GOLIM4: variants seen among roughly 807,000 people sequenced by gnomAD.
GOLIM4 encodes golgi integral membrane protein 4.
Under a neutral mutation model 107.4 loss-of-function variants are expected in GOLIM4, and 71 were observed. That is an observed-to-expected ratio of 0.66 (90% CI 0.55 to 0.81). The LOEUF (loss-of-function observed/expected upper bound fraction) is 0.81. Ranked by LOEUF, GOLIM4 falls within the 30% of genes least tolerant of loss-of-function variation. GOLIM4 has a pLI of 0.00. For synonymous variants in GOLIM4, 327 were observed against 294.8 expected, an observed-to-expected ratio of 1.11 and a Z score of -1.12; for missense variants, 830 against 826.1, an observed-to-expected ratio of 1.00 and a Z score of -0.06.
intron 14 of GOLIM4, 123 bp downstream of exon 14, chr3:168,024,403 T>C (rs942028276): frequency 2.5e-6 from 2 of 786,288 alleles, no homozygotes; most frequent in African/African-American, 3.4e-5. Flanking sequence ...TTTCTTATCC[T>C]GCTTAAATTT....
chr3:168,062,013 T>A (rs73878626), intron 1 of GOLIM4, among the ~76,000 whole-genome samples: 1,678 of 152,328 alleles, frequency 0.011, 30 homozygotes, highest in African/African-American at 0.039. Flanking sequence ...ACAGACTGTA[T>A]GAAAGAGCTA....
intron 11 of GOLIM4, 48 bp from the exon 12 acceptor site, chr3:168,027,885 A>G (rs756793507): frequency 8.2e-7 from 1 of 1,223,568 alleles, no homozygotes; most frequent in Non-Finnish European, 1.2e-6. Context: ...ATCAAACAGG[A>G]TTTCCCTTTC....
chr3:168,028,600 A>G (rs1718139052), intron 11 of GOLIM4, among the ~76,000 whole-genome samples: 1 of 152,222 alleles, frequency 6.6e-6, no homozygotes, highest in African/African-American at 2.4e-5. Flanking sequence ...AGTCTTACTG[A>G]TATGAGAACA....
chr3:168,048,626 C>T (rs573644550), intron 1 of GOLIM4, among the ~76,000 whole-genome samples: 1 of 152,240 alleles, frequency 6.6e-6, no homozygotes, highest in Non-Finnish European at 1.5e-5. Context: ...GCTCCATTTC[C>T]TTCTAGGCCT....
At chr3:168,090,662 A>G (rs1721861106) in intron 1 of GOLIM4, among the ~76,000 whole-genome samples, 1 of 152,226 alleles carries the variant, frequency 6.6e-6, no homozygotes, top group Non-Finnish European at 1.5e-5. Context: ...AGCAATCCCA[A>G]TACTAGGTAT....
intron 3 of GOLIM4, among the ~76,000 whole-genome samples, chr3:168,046,194 A>C (rs1719293747): frequency 6.6e-6 from 1 of 152,196 alleles, no homozygotes; most frequent in Non-Finnish European, 1.5e-5. Context: ...TTAATACCCC[A>C]AAATATCAAT....
intron 4 of GOLIM4, 64 bp from the exon 5 acceptor site, chr3:168,043,593 G>T: frequency 7.7e-7 from 1 of 1,303,800 alleles, no homozygotes; most frequent in South Asian, 1.4e-5. Context: ...TCTATTTCTT[G>T]ACAGCACAGT....
chr3:168,030,192 A>G lies in GOLIM4; in HGVS notation c.1177-156T>C, dbSNP rs185837661. ...TTATACATGAAGTCCAAAAACTCCT[A>G]TTTCCCAACTTTCTCTGAATCACCC... On this transcript the variant is annotated intron_variant, in intron 9 of 15. Coordinates refer to ENST00000470487, the MANE Select transcript of GOLIM4 (RefSeq NM_014498.5). 1.3e-3 allele frequency among the ~76,000 whole-genome samples: 203 copies of G among 152,248 alleles called. 1 individual carries two copies. Among genetic ancestry groups the G allele is most frequent in the African/African-American group, 4.7e-3 (196 of 41,540 alleles).
At chr3:168,026,503 A>G (rs966480032) in intron 12 of GOLIM4, among the ~76,000 whole-genome samples, 1 of 152,212 alleles carries the variant, frequency 6.6e-6, no homozygotes, top group Admixed American at 6.5e-5. Flanking sequence ...TACAAAGGCC[A>G]ATGTTTCCCA....
rs77026270 is a variant in GOLIM4, at chr3:168,039,939, C to T, written c.684+847G>A. ...AATCTCACAAACACAGATGCTACAG[C>T]CTCTGAGATGGGTCAGGGACAGAAA... On this transcript the variant is annotated intron_variant, in intron 7 of 15. Transcript: ENST00000470487. Among the ~76,000 whole-genome samples, 7 of 152,238 alleles carry T rather than the reference C, an allele frequency of 4.6e-5. No homozygotes were observed. The South Asian group carries it at 8.3e-4, about 18-fold the overall frequency.
At chr3:168,018,322 A>T (rs1290957941) in intron 14 of GOLIM4, among the ~76,000 whole-genome samples, 1 of 152,160 alleles carries the variant, frequency 6.6e-6, no homozygotes, top group Non-Finnish European at 1.5e-5. Context: ...CCCAGGTGAG[A>T]CAAGAATGAA....
At chr3:168,045,891 T>G (rs974909423) in intron 3 of GOLIM4, among the ~76,000 whole-genome samples, 7 of 152,204 alleles carry the variant, frequency 4.6e-5, no homozygotes, top group Non-Finnish European at 8.8e-5. Context: ...CTTCTCAGTT[T>G]TTTTATTTTG....
intron 5 of GOLIM4, among the ~76,000 whole-genome samples, chr3:168,042,023 T>C (rs1444622237): frequency 2.0e-5 from 3 of 152,102 alleles, no homozygotes; most frequent in Non-Finnish European, 4.4e-5. Context: ...TATAGAGAAA[T>C]GTTGCAAAAA....
intron 2 of GOLIM4, among the ~76,000 whole-genome samples, chr3:168,047,229 C>G (rs932869071): frequency 2.0e-5 from 3 of 152,114 alleles, no homozygotes; most frequent in African/African-American, 7.2e-5. Context: ...CCACAAAATC[C>G]AAATTATAGC....
intron 1 of GOLIM4, among the ~76,000 whole-genome samples, chr3:168,089,315 C>T (rs1461199001): frequency 6.6e-6 from 1 of 152,182 alleles, no homozygotes; most frequent in East Asian, 1.9e-4. Flanking sequence ...AGTTCTAACG[C>T]TGCACTTGAA....
intron 1 of GOLIM4, among the ~76,000 whole-genome samples, chr3:168,064,350 A>G (rs16851766): frequency 0.011 from 1,679 of 152,302 alleles, 30 homozygotes; most frequent in African/African-American, 0.039. Context: ...TAAATGACTG[A>G]ATTACACAAA....
At chr3:168,063,159 AC>A (rs1409272968) in intron 1 of GOLIM4, among the ~76,000 whole-genome samples, 1 of 152,016 alleles carries the variant, frequency 6.6e-6, no homozygotes, top group African/African-American at 2.4e-5. Flanking sequence ...ATTTCCCAAC[AC>A]CACCAAACTA....
intron 1 of GOLIM4, 21 bp downstream of exon 1, chr3:168,095,078 C>A (rs752056012): frequency 1.8e-5 from 29 of 1,578,664 alleles, no homozygotes; most frequent in Non-Finnish European, 2.4e-5. Context: ...CCACCGGCTG[C>A]GCGCGTCCCG....
At chr3:168,074,667 T>C (rs185081242) in intron 1 of GOLIM4, among the ~76,000 whole-genome samples, 30 of 152,124 alleles carry the variant, frequency 2.0e-4, no homozygotes, top group African/African-American at 5.3e-4. Context: ...ATGTGGAAGA[T>C]TGGGGTGAAA....
Sources: gnomAD v4.1 joint callset for allele counts (sites outside exome capture counted in the v4.1 genomes callset) on GRCh38, gnomAD v4.1.1 for gene constraint, MANE v1.5 for transcripts, NCBI Gene and HGNC (gene_info 2026-07-23, HGNC 2026-07-21) for gene names.